Variants in GLI3 observed in about 807,000 individuals in gnomAD.
The protein encoded by GLI3 is transcription activator GLI3.
A neutral mutation model predicts 100.8 loss-of-function variants in GLI3; 20 were observed. That is an observed-to-expected ratio of 0.20 (90% confidence interval 0.14 to 0.29). The LOEUF (loss-of-function observed/expected upper bound fraction) is 0.29. Among genes scored for constraint, GLI3 ranks in the 10% least tolerant of loss-of-function variants. The pLI, the probability that GLI3 is intolerant of heterozygous loss-of-function variation, is 1.00. For missense variants in GLI3, 2,040 were observed against 2,128.5 expected (o/e 0.96, Z 0.82); for synonymous variants, 938 against 860.5 (o/e 1.09, Z -1.58).
Position 41,963,834 on chromosome 7 carries a change from TTAAAA to T in GLI3, c.*491_*495del, listed in dbSNP as rs1368994595. 2.5e-5 allele frequency: 4 copies of T among 161,432 alleles called. No individual in the cohort carries two copies. The highest frequency in any genetic ancestry group is 7.2e-5 in the African/African-American group (3 of 41,444). The allele number at this position is 161,432 out of a possible 1,614,324, so 10.0% of individuals were successfully genotyped here. A position where few individuals can be genotyped will look rare whatever the true frequency, so the allele number is the denominator to read the frequency against. On this transcript the variant is annotated 3_prime_UTR_variant, in exon 15 of 15. Coordinates refer to ENST00000395925, the MANE Select transcript of GLI3 (RefSeq NM_000168.6). ...CTGATTCTTGTGCCCAATGTGGGAATTAAAATAAAAAACAGAAACCAAAACACAAA... is the reference window on the plus strand; with the variant it reads ...CTGATTCTTGTGCCCAATGTGGGAATTAAAAAACAGAAACCAAAACACAAA...
chr7:42,009,678 G>A (rs1788558987), intron 10 of GLI3, among the ~76,000 whole-genome samples: 1 of 152,130 alleles, frequency 6.6e-6, no homozygotes, highest in Non-Finnish European at 1.5e-5. Context: ...GGAAGCCCCA[G>A]GAGAACGGGT....
At chr7:42,152,575 C>T (rs1019874818) in intron 2 of GLI3, 3 of 210,486 alleles carry the variant, frequency 1.4e-5, no homozygotes, top group African/African-American at 7.0e-5. Flanking sequence ...TCCGAGTGAA[C>T]TCTCCCTATT....
At position 41,967,641 on chromosome 7, in the gene GLI3, T is replaced by C; in HGVS notation, c.2386A>G (p.Ile796Val). The C allele has an allele frequency of 6.2e-7, 1 of 1,613,984 alleles. No homozygotes were observed. ...VNGMFPRLNPILPPKAPAVSP... is the reference protein window; with the variant it reads ...VNGMFPRLNPVLPPKAPAVSP... ...ACCGCAGGGGCTTTAGGGGGTAGAA[T>C]GGGGTTCAGTCGCGGAAACATTCCA... Residue 796 changes from isoleucine to valine, a missense_variant, in exon 14 of 15, where the codon ATT becomes GTT. Around this residue, in one of 5 missense-constraint regions of GLI3, gnomAD observed 327 missense variants for 338.7 expected, o/e 0.97. Transcript: ENST00000395925.
rs368505710 is a variant in GLI3 at position 41,965,906 on chromosome 7, T to G, written c.3167A>C (p.Gln1056Pro). 115 of 1,613,550 alleles carry G rather than the reference T, an allele frequency of 7.1e-5. No individual in the cohort carries two copies. The highest frequency in any genetic ancestry group is 9.4e-5 in the Non-Finnish European group (111 of 1,179,964). ...LQNYTRPEGGQSRNFHSSPCP... is the reference protein window; with the variant it reads ...LQNYTRPEGGPSRNFHSSPCP... Reference sequence around the variant, plus strand: ...GGGGGACGAGTGGAAGTTTCGGGACTGGCCGCCCTCGGGCCGCGTGTAATT... The same window carrying G: ...GGGGGACGAGTGGAAGTTTCGGGACGGGCCGCCCTCGGGCCGCGTGTAATT... Residue 1056 changes from glutamine to proline, a missense_variant, in exon 15 of 15, where the codon CAG (glutamine) becomes CCG (proline). Gln to Pro is a moderately conservative substitution (Grantham distance 76). Around this residue, in one of 5 missense-constraint regions of GLI3, gnomAD observed 1,041 missense variants for 924.0 expected, o/e 1.13. Coordinates refer to ENST00000395925, the MANE Select transcript of GLI3 (RefSeq NM_000168.6).
intron 10 of GLI3, among the ~76,000 whole-genome samples, chr7:41,979,034 A>C (rs1787584609): frequency 6.6e-6 from 1 of 152,208 alleles, no homozygotes; most frequent in Non-Finnish European, 1.5e-5. Context: ...TGAAGAGCAG[A>C]GTTCAATTCC....
chr7:42,200,204 G>A (rs1242700340), intron 2 of GLI3, among the ~76,000 whole-genome samples: 1 of 152,212 alleles, frequency 6.6e-6, no homozygotes, highest in Non-Finnish European at 1.5e-5. Context: ...AAACAGCTGT[G>A]AAACCTGGTT....
intron 7 of GLI3, among the ~76,000 whole-genome samples, chr7:42,029,667 T>G (rs1789228931): frequency 6.6e-6 from 1 of 152,134 alleles, no homozygotes; most frequent in Non-Finnish European, 1.5e-5. Flanking sequence ...CAGTGTCCCC[T>G]GCCTGGAACC....
intron 3 of GLI3, among the ~76,000 whole-genome samples, chr7:42,093,792 T>G (rs1785279855): frequency 6.6e-6 from 1 of 152,014 alleles, no homozygotes; most frequent in South Asian, 2.1e-4. Context: ...TAGAGAACAC[T>G]CCTGTATGGG....
chr7:42,182,636 A>ACG (rs1554336997), intron 2 of GLI3, among the ~76,000 whole-genome samples: 1 of 82,688 alleles, frequency 1.2e-5, no homozygotes, highest in Non-Finnish European at 2.3e-5. Context: ...GCATATGTAT[A>ACG]TGTGTGTGTA....
chr7:42,068,692 G>A (rs1009053172), intron 4 of GLI3, among the ~76,000 whole-genome samples: 7 of 152,138 alleles, frequency 4.6e-5, no homozygotes, highest in Admixed American at 1.3e-4. Context: ...TTGTTCCCCC[G>A]AGGAAAGGTC....
intron 3 of GLI3, among the ~76,000 whole-genome samples, chr7:42,139,407 T>C (rs1372137082): frequency 1.3e-5 from 2 of 152,172 alleles, no homozygotes; most frequent in Non-Finnish European, 2.9e-5. Flanking sequence ...TGGCTGGGCA[T>C]GGTGGCTCAC....
chr7:42,222,987 T>C, intron 2 of GLI3, 143 bp downstream of exon 2: 1 of 765,830 alleles, frequency 1.3e-6, no homozygotes. Flanking sequence ...CCCCCCGCCG[T>C]CCCCCCGCCC....
intron 2 of GLI3, among the ~76,000 whole-genome samples, chr7:42,216,054 C>T (rs1026181796): frequency 2.0e-5 from 3 of 152,180 alleles, no homozygotes; most frequent in Admixed American, 2.0e-4. Context: ...TGTTTGGGTA[C>T]TCTCTGTGCC....
chr7:42,049,488 CCGGGTTAGA>C (rs560231618), intron 4 of GLI3, among the ~76,000 whole-genome samples: 8 of 152,272 alleles, frequency 5.3e-5, no homozygotes, highest in African/African-American at 1.9e-4. Flanking sequence ...CTAAGTGCTC[CCGGGTTAGA>C]AAGTTGGGGA....
chr7:42,168,033 C>T (rs918404568), intron 2 of GLI3, among the ~76,000 whole-genome samples: 4 of 152,124 alleles, frequency 2.6e-5, no homozygotes, highest in African/African-American at 7.2e-5. Context: ...TTAATAAACT[C>T]CTTCCTTTTA....
intron 3 of GLI3, among the ~76,000 whole-genome samples, chr7:42,099,867 AAC>A (rs1349665988): frequency 6.6e-6 from 1 of 152,248 alleles, no homozygotes; most frequent in Non-Finnish European, 1.5e-5. Flanking sequence ...ACACTTTCGA[AAC>A]AGTCTGACAT....
At chr7:42,005,818 G>A (rs894619375) in intron 10 of GLI3, among the ~76,000 whole-genome samples, 28 of 152,152 alleles carry the variant, frequency 1.8e-4, no homozygotes, top group Non-Finnish European at 3.8e-4. Flanking sequence ...ACCAAAGACA[G>A]GGTTCCCCTT....
chr7:42,223,135 G>T lies in GLI3; in HGVS notation c.119C>A (p.Ser40Tyr). Residue 40 changes from serine to tyrosine, a missense_variant, in exon 2 of 15, where the codon TCT becomes TAT. Around this residue, in one of 5 missense-constraint regions of GLI3, gnomAD observed 603 missense variants for 690.9 expected, o/e 0.87. Coordinates refer to ENST00000395925, the MANE Select transcript of GLI3 (RefSeq NM_000168.6). ...SEKAVASSTT[S>Y]NEDESPGQTY... ...GTAATCCCTGTGCTGCTCACCATTA[G>T]AAGTGGTGCTGGAGGCAACGGCTTT... is the stretch of plus-strand genomic sequence containing the variant. 6.2e-7 allele frequency: 1 copy of T among 1,613,900 alleles called. No homozygotes were observed. The highest frequency in any genetic ancestry group is 8.5e-7 in the Non-Finnish European group (1 of 1,179,860).
intron 3 of GLI3, among the ~76,000 whole-genome samples, chr7:42,111,209 G>A (rs1562735740): frequency 1.3e-5 from 2 of 152,306 alleles, no homozygotes; most frequent in Non-Finnish European, 2.9e-5. Context: ...CCAAGAGTGA[G>A]ACTGGACTGA....
Sources: gnomAD v4.1 joint callset for allele counts (sites outside exome capture counted in the v4.1 genomes callset) on GRCh38, gnomAD v4.1.1 for gene constraint, gnomAD v4.1.1 regional missense constraint, MANE v1.5 for transcripts, NCBI Gene and HGNC (gene_info 2026-07-23, HGNC 2026-07-21) for gene names.